MAP4K5: variants seen among roughly 807,000 people sequenced by gnomAD.
The protein encoded by MAP4K5 is mitogen-activated protein kinase kinase kinase kinase 5, also known as MAPK/ERK kinase kinase kinase 5.
A neutral mutation model predicts 135.6 loss-of-function variants in MAP4K5; 82 were observed. The ratio of observed to expected loss-of-function variants is 0.60; its 90% CI spans 0.51 to 0.73. The LOEUF (loss-of-function observed/expected upper bound fraction) is 0.73, where lower values mean the gene tolerates loss of function less well. Among genes scored for constraint, MAP4K5 ranks in the 30% least tolerant of loss-of-function variants. The probability of loss-of-function intolerance (pLI) is 0.00; values close to 1 mark genes in which losing one functional copy is unlikely to be tolerated. For missense variants in MAP4K5, 907 were observed against 1,010.9 expected (o/e 0.90, Z 1.39); for synonymous variants, 347 against 335.0 (o/e 1.04, Z -0.39).
upstream of MAP4K5, among the ~76,000 whole-genome samples, chr14:50,536,595 TTCC>T (rs1211504745): frequency 6.6e-6 from 1 of 152,196 alleles, no homozygotes; most frequent in East Asian, 1.9e-4. Flanking sequence ...AGTTTGGAAC[TTCC>T]TAGAGGCTTG....
At chr14:50,451,061 G>A (rs2036473413) in intron 14 of MAP4K5, among the ~76,000 whole-genome samples, 1 of 152,134 alleles carries the variant, frequency 6.6e-6, no homozygotes, top group African/African-American at 2.4e-5. Flanking sequence ...TGAGCAGATG[G>A]AATAGCTCAG....
At chr14:50,510,889 G>A (rs117281248) in intron 2 of MAP4K5, among the ~76,000 whole-genome samples, 215 of 152,156 alleles carry the variant, frequency 1.4e-3, no homozygotes, top group Non-Finnish European at 2.5e-3. Flanking sequence ...TGATACTTTG[G>A]CAGTTTCTCA....
chr14:50,530,959 G>C (rs1208811369), intron 2 of MAP4K5, among the ~76,000 whole-genome samples: 4 of 152,198 alleles, frequency 2.6e-5, no homozygotes, highest in Non-Finnish European at 5.9e-5. Context: ...TTACCCAAAT[G>C]ACACAAAACC....
At chr14:50,448,646 G>T (rs1034777308) in intron 15 of MAP4K5, 128 bp downstream of exon 15, 4 of 554,792 alleles carry the variant, frequency 7.2e-6, no homozygotes, top group Non-Finnish European at 1.2e-5. Flanking sequence ...ACTTTAATAC[G>T]GGAAAAATTG....
At chr14:50,499,757 TAAAG>T (rs914178912) in intron 3 of MAP4K5, among the ~76,000 whole-genome samples, 3 of 151,678 alleles carry the variant, frequency 2.0e-5, no homozygotes, top group African/African-American at 7.3e-5. Flanking sequence ...TTTCTTGAAA[TAAAG>T]AAAAAATCAA....
At chr14:50,504,725 C>A (rs1308955622) in intron 3 of MAP4K5, 75 bp downstream of exon 3, 2 of 1,108,972 alleles carry the variant, frequency 1.8e-6, no homozygotes, top group Non-Finnish European at 2.6e-6. Flanking sequence ...ATAAAGACTT[C>A]TTCTGGGAAG....
intron 1 of MAP4K5, among the ~76,000 whole-genome samples, chr14:50,554,304 C>T (rs775232178): frequency 6.6e-6 from 1 of 152,266 alleles, no homozygotes; most frequent in African/African-American, 2.4e-5. Context: ...ATTGGAGTTA[C>T]GTTTTGCTAA....
chr14:50,503,821 C>T (rs1175693101), intron 3 of MAP4K5, among the ~76,000 whole-genome samples: 5 of 151,978 alleles, frequency 3.3e-5, no homozygotes, highest in African/African-American at 1.2e-4. Flanking sequence ...AATAACCATC[C>T]TTGAACATAA....
intron 1 of MAP4K5, among the ~76,000 whole-genome samples, chr14:50,554,129 A>G (rs1036439428): frequency 6.6e-6 from 1 of 152,058 alleles, no homozygotes; most frequent in Admixed American, 6.6e-5. Flanking sequence ...TTTAATCCAC[A>G]AAAACCAATA....
chr14:50,471,084 C>T (rs186671243), intron 9 of MAP4K5, among the ~76,000 whole-genome samples: 2 of 151,964 alleles, frequency 1.3e-5, no homozygotes, highest in Admixed American at 1.3e-4. Flanking sequence ...AAATGTGTGC[C>T]ATGGTGGTTT....
intron 14 of MAP4K5, among the ~76,000 whole-genome samples, chr14:50,456,021 CA>C (rs1233646293): frequency 6.6e-6 from 1 of 152,006 alleles, no homozygotes; most frequent in Non-Finnish European, 1.5e-5. Flanking sequence ...GAAACCAACC[CA>C]AATGTACAGT....
chr14:50,468,245 T>C (rs563362781), intron 10 of MAP4K5, among the ~76,000 whole-genome samples: 2 of 152,254 alleles, frequency 1.3e-5, no homozygotes, highest in South Asian at 4.2e-4. Context: ...AGAATGAACA[T>C]GAAGACTCAA....
At chr14:50,522,154 A>G (rs965341916) in intron 2 of MAP4K5, among the ~76,000 whole-genome samples, 3 of 152,146 alleles carry the variant, frequency 2.0e-5, no homozygotes, top group Non-Finnish European at 2.9e-5. Context: ...ATACACTGGA[A>G]ATGAAGATCA....
At chr14:50,522,892 T>C (rs1483995913) in intron 2 of MAP4K5, among the ~76,000 whole-genome samples, 1 of 152,214 alleles carries the variant, frequency 6.6e-6, no homozygotes, top group African/African-American at 2.4e-5. Context: ...TCTTAATATT[T>C]AAAGATCAAA....
intron 18 of MAP4K5, 121 bp from the exon 19 acceptor site, chr14:50,444,157 C>T (rs888663985): frequency 1.4e-5 from 10 of 697,846 alleles, no homozygotes; most frequent in African/African-American, 1.4e-4. Context: ...GGGGAATATT[C>T]TCTACTCTCA....
At chr14:50,466,961 G>A (rs2036846855) in intron 10 of MAP4K5, among the ~76,000 whole-genome samples, 1 of 152,124 alleles carries the variant, frequency 6.6e-6, no homozygotes, top group Admixed American at 6.5e-5. Context: ...CTATATAATT[G>A]TATATAATTC....
intron 3 of MAP4K5, among the ~76,000 whole-genome samples, chr14:50,503,609 T>C (rs1252751312): frequency 1.3e-5 from 2 of 152,006 alleles, no homozygotes; most frequent in African/African-American, 4.8e-5. Flanking sequence ...ACTATAATAT[T>C]AGGTTGGCAA....
chr14:50,556,464 C>T (rs1446748352), intron 1 of MAP4K5, among the ~76,000 whole-genome samples: 2 of 152,144 alleles, frequency 1.3e-5, no homozygotes, highest in Non-Finnish European at 2.9e-5. Flanking sequence ...GTGATCCTCC[C>T]ACCTCAGCTT....
At chr14:50,464,242 TG>T in intron 11 of MAP4K5, 109 bp from the exon 12 acceptor site, 1 of 613,770 alleles carries the variant, frequency 1.6e-6, no homozygotes, top group Non-Finnish European at 2.9e-6. Context: ...GATTTTTTAT[TG>T]GGCCACTTAG....
Sources: allele counts gnomAD v4.1 joint callset (sites outside exome capture counted in the v4.1 genomes callset), GRCh38; gene constraint gnomAD v4.1.1; transcripts MANE v1.5; gene names NCBI Gene and HGNC (gene_info 2026-07-23, HGNC 2026-07-21).